The following IGSF11 variants were observed in gnomAD, a reference collection of about 807,000 sequenced individuals.
IGSF11 encodes the protein CXADR like 1.
IGSF11 carries 22 observed loss-of-function variants against 41.0 expected under a neutral mutation model. The ratio of observed to expected loss-of-function variants is 0.54; its 90% CI spans 0.38 to 0.77. The LOEUF is 0.77. Among genes scored for constraint, IGSF11 ranks in the 30% least tolerant of loss-of-function variants. The pLI is 0.00. For missense variants in IGSF11, 444 were observed against 530.8 expected, an observed-to-expected ratio of 0.84 and a Z score of 1.61; for synonymous variants, 219 against 201.3, an observed-to-expected ratio of 1.09 and a Z score of -0.74.
intron 1 of IGSF11, among the ~76,000 whole-genome samples, chr3:119,047,602 A>C (rs1047823825): frequency 2.0e-5 from 3 of 152,210 alleles, no homozygotes; most frequent in Non-Finnish European, 4.4e-5. Context: ...ACAGAAAGTC[A>C]ACAAGGATAC....
intron 1 of IGSF11, among the ~76,000 whole-genome samples, chr3:119,129,788 C>G (rs1301166468): frequency 6.6e-6 from 1 of 152,038 alleles, no homozygotes; most frequent in Non-Finnish European, 1.5e-5. Flanking sequence ...AGTTCCAGAC[C>G]AGCTTGGAAA....
At position 118,955,610 on chromosome 3, in the gene IGSF11, G is replaced by A. The variant is rs189401221; in HGVS notation, c.53-25335C>T. 1.1e-3 allele frequency among the ~76,000 whole-genome samples: 166 copies of A among 152,156 alleles called. 1 individual carries two copies. The highest frequency in any genetic ancestry group is 3.6e-3 in the African/African-American group (151 of 41,540). On this transcript the variant is annotated intron_variant, in intron 1 of 6. Transcript: ENST00000393775. Reference sequence around the variant, plus strand: ...CATTGTCAATGAGCATTAATATTTCGAAAAGAATCTTTTTTTTTCCAAGCA... The same window carrying A: ...CATTGTCAATGAGCATTAATATTTCAAAAAGAATCTTTTTTTTTCCAAGCA...
At chr3:119,050,767 C>A (rs1426885292) in intron 1 of IGSF11, among the ~76,000 whole-genome samples, 1 of 151,554 alleles carries the variant, frequency 6.6e-6, no homozygotes, top group Non-Finnish European at 1.5e-5. Context: ...CAATGATAGA[C>A]TGGATTAAGA....
At chr3:119,043,368 G>A (rs781087140) in intron 1 of IGSF11, among the ~76,000 whole-genome samples, 11 of 152,064 alleles carry the variant, frequency 7.2e-5, no homozygotes, top group African/African-American at 1.2e-4. Flanking sequence ...CTGATTAGTC[G>A]GGTGTGAGCT....
intron 1 of IGSF11, among the ~76,000 whole-genome samples, chr3:118,995,785 T>G (rs970892117): frequency 1.3e-5 from 2 of 152,132 alleles, no homozygotes; most frequent in Non-Finnish European, 2.9e-5. Context: ...CCTGAGTAGC[T>G]GGGACTACAG....
At chr3:119,094,946 A>T (rs1302514521) in intron 1 of IGSF11, among the ~76,000 whole-genome samples, 1 of 152,134 alleles carries the variant, frequency 6.6e-6, no homozygotes, top group African/African-American at 2.4e-5. Context: ...TGCTGGGATT[A>T]CAGACGTGAG....
chr3:118,996,256 T>C (rs1039905970), intron 1 of IGSF11, among the ~76,000 whole-genome samples: 4 of 152,242 alleles, frequency 2.6e-5, no homozygotes, highest in Admixed American at 6.5e-5. Context: ...TCTCAGTACA[T>C]GGCACCAGAT....
At chr3:118,935,427 T>C (rs543680841) in intron 1 of IGSF11, among the ~76,000 whole-genome samples, 1 of 145,974 alleles carries the variant, frequency 6.9e-6, no homozygotes, top group Non-Finnish European at 1.5e-5. Flanking sequence ...CGTATATACA[T>C]ATACGTATGT....
At chr3:119,058,192 C>T (rs970193540) in intron 1 of IGSF11, among the ~76,000 whole-genome samples, 1 of 151,958 alleles carries the variant, frequency 6.6e-6, no homozygotes, top group Non-Finnish European at 1.5e-5. Context: ...AGGCAACCTA[C>T]AAAATGGGAG....
rs1053623039 is a variant in IGSF11 at position 119,064,040 on chromosome 3, T to C, written c.49+41104A>G. Among the ~76,000 whole-genome samples, 3 of 152,152 alleles carry C rather than the reference T, an allele frequency of 2.0e-5. 1 individual carries two copies. The highest frequency in any genetic ancestry group is 7.2e-5 in the African/African-American group (3 of 41,430). On this transcript the variant is annotated intron_variant, in intron 1 of 6. Coordinates refer to the IGSF11 transcript ENST00000354673. Reference sequence around the variant, plus strand: ...CCAGAAAGTGCAGAGTAGCGTTAGGTCCTTGGTTGAAAGGAGGAAGGGGAC... The same window carrying C: ...CCAGAAAGTGCAGAGTAGCGTTAGGCCCTTGGTTGAAAGGAGGAAGGGGAC...
chr3:119,018,247 A>C (rs1055348161), intron 1 of IGSF11, among the ~76,000 whole-genome samples: 4 of 152,230 alleles, frequency 2.6e-5, no homozygotes, highest in African/African-American at 7.2e-5. Flanking sequence ...AAGAGAGAGA[A>C]GTCCTCTTGA....
chr3:119,142,297 G>A (rs1429680436), intron 1 of IGSF11, among the ~76,000 whole-genome samples: 4 of 123,926 alleles, frequency 3.2e-5, no homozygotes, highest in Admixed American at 1.7e-4. Flanking sequence ...AAAAAAAAAA[G>A]TGTCTGCATG....
chr3:118,990,348 G>A (rs1935673952), intron 1 of IGSF11, among the ~76,000 whole-genome samples: 1 of 152,134 alleles, frequency 6.6e-6, no homozygotes, highest in African/African-American at 2.4e-5. Context: ...AAGAAAGAAT[G>A]GCTTAGAGAA....
chr3:118,914,376 T>C (rs1367018891), intron 4 of IGSF11, among the ~76,000 whole-genome samples: 2 of 151,538 alleles, frequency 1.3e-5, no homozygotes, highest in African/African-American at 2.4e-5. Context: ...TGCCAGACAG[T>C]GGGCGCAGGC....
In IGSF11 at chr3:119,025,619, G is replaced by A. The variant is rs990639321; in HGVS notation, c.52+8912C>T. On this transcript the variant is annotated intron_variant, in intron 1 of 6. Transcript: ENST00000393775. ...CAAAGTCATAGGACAAAGAAATGAT[G>A]AGTCATAATTTAAAGCCAGTATGTT... Among the ~76,000 whole-genome samples the A allele has an allele frequency of 2.2e-4, 34 of 152,014 alleles. 1 individual carries two copies. Among genetic ancestry groups the A allele is most frequent in the African/African-American group, 8.0e-4 (33 of 41,400 alleles).
chr3:118,904,268 G>A (rs1162517146), intron 6 of IGSF11, among the ~76,000 whole-genome samples: 1 of 152,128 alleles, frequency 6.6e-6, no homozygotes, highest in African/African-American at 2.4e-5. Flanking sequence ...TACAGGCACT[G>A]GTATGCTCTT....
intron 6 of IGSF11, among the ~76,000 whole-genome samples, chr3:118,903,610 G>A (rs889963209): frequency 6.6e-6 from 1 of 152,108 alleles, no homozygotes; most frequent in Non-Finnish European, 1.5e-5. Context: ...CTCTATCCCT[G>A]CATATGGCCC....
At position 118,951,453 on chromosome 3, in the gene IGSF11, GCATT is replaced by G. The variant is rs1040824732; in HGVS notation, c.53-21182_53-21179del. Among the ~76,000 whole-genome samples, 446 of 151,966 alleles carry G rather than the reference GCATT, an allele frequency of 2.9e-3. 1 individual carries two copies. The highest frequency in any genetic ancestry group is 0.01 in the African/African-American group (431 of 41,444). On this transcript the variant is annotated intron_variant, in intron 1 of 6. Coordinates refer to ENST00000393775, the MANE Select transcript of IGSF11 (RefSeq NM_001015887.3). The stretch of plus-strand genomic sequence containing the variant: ...CAGATACAACTACACACACACATAA[GCATT>G]TGATTTTTCTATCCTACAAAATGTG...
intron 1 of IGSF11, among the ~76,000 whole-genome samples, chr3:119,076,339 A>C (rs1180666740): frequency 6.6e-6 from 1 of 152,242 alleles, no homozygotes; most frequent in Non-Finnish European, 1.5e-5. Flanking sequence ...ACCATTTAGG[A>C]CATAGGCATG....
Sources: gnomAD v4.1 joint callset for allele counts (sites outside exome capture counted in the v4.1 genomes callset) on GRCh38, gnomAD v4.1.1 for gene constraint, MANE v1.5 for transcripts, NCBI Gene and HGNC (gene_info 2026-07-23, HGNC 2026-07-21) for gene names.